SNX29: variants seen among roughly 807,000 people sequenced by gnomAD.
SNX29 encodes sorting nexin 29, also known as sorting nexin-29.
A neutral mutation model predicts 102.1 loss-of-function variants in SNX29; 78 were observed. The observed-to-expected ratio is 0.76, with a 90% confidence interval of 0.64 to 0.92. The LOEUF is 0.92. Among genes scored for constraint, SNX29 ranks in the 40% least tolerant of loss-of-function variants. The pLI, the probability that SNX29 is intolerant of heterozygous loss-of-function variation, is 0.00. For synonymous variants in SNX29, 580 were observed against 414.5 expected (o/e 1.40, Z -4.85); for missense variants, 1,280 against 1,061.7 (o/e 1.21, Z -2.86).
In SNX29 at chr16:12,572,279, C is replaced by T; in HGVS notation, c.*3650C>T. The T allele has an allele frequency of 9.5e-7, 1 of 1,057,076 alleles. No individual in the cohort carries two copies. The highest frequency in any genetic ancestry group is 1.1e-6 in the Non-Finnish European group (1 of 876,392). 65.5% of individuals were successfully genotyped at this position (1,057,076 alleles called of 1,614,324 possible). A position where few individuals can be genotyped will look rare whatever the true frequency, so the allele number is the denominator to read the frequency against. On this transcript the variant is annotated 3_prime_UTR_variant, in exon 21 of 21. Coordinates refer to ENST00000566228, the MANE Select transcript of SNX29 (RefSeq NM_032167.5). Reference sequence around the variant, plus strand: ...CCATGGCTGTAGCTGATGCAACTAACAAGTACTGGGGCCAGTGATCACAAT... The same window carrying T: ...CCATGGCTGTAGCTGATGCAACTAATAAGTACTGGGGCCAGTGATCACAAT...
chr16:12,008,371 G>A (rs995544373), intron 3 of SNX29, among the ~76,000 whole-genome samples: 2 of 152,206 alleles, frequency 1.3e-5, no homozygotes, highest in Non-Finnish European at 2.9e-5. Flanking sequence ...CTGGGTTCAA[G>A]CGATTCTCTT....
chr16:12,552,413 G>C (rs565060829), intron 20 of SNX29, among the ~76,000 whole-genome samples: 1 of 152,302 alleles, frequency 6.6e-6, no homozygotes, highest in African/African-American at 2.4e-5. Context: ...TGGTGAGGAC[G>C]TGGTCAGTTC....
At chr16:12,176,228 T>C (rs1347259229) in intron 13 of SNX29, among the ~76,000 whole-genome samples, 1 of 152,238 alleles carries the variant, frequency 6.6e-6, no homozygotes. Context: ...GTCTCTGGTA[T>C]TTTGTTATGG....
chr16:12,052,200 G>A lies in SNX29; in HGVS notation c.1102G>A (p.Gly368Ser), dbSNP rs756848150. Residue 368 changes from glycine (G) to serine (S), a missense_variant, in exon 8 of 21, where the codon GGC becomes AGC. Transcript: ENST00000566228. ...YGNSSGRKHR[G>S]HSESPEKPLE... ...AAACTCATCAGGAAGGAAGCACAGG[G>A]GCCACTCGGAGTCGCCCGAGAAGTA... is the stretch of plus-strand genomic sequence containing the variant. 1 of 1,613,920 alleles carries A rather than the reference G, an allele frequency of 6.2e-7. No individual in the cohort carries two copies. The highest frequency in any genetic ancestry group is 1.1e-5 in the South Asian group (1 of 91,052).
chr16:12,128,452 C>CTTTTTTT (rs35504724), intron 12 of SNX29, among the ~76,000 whole-genome samples: 3 of 128,308 alleles, frequency 2.3e-5, no homozygotes, highest in East Asian at 4.7e-4. Context: ...TGATTATATT[C>CTTTTTTT]TTTTTTTTTT....
intron 15 of SNX29, among the ~76,000 whole-genome samples, chr16:12,355,814 T>G (rs2082113675): frequency 7.7e-6 from 1 of 129,616 alleles, no homozygotes. Flanking sequence ...CCTTGTTAGA[T>G]GTCTGACCTT....
chr16:12,057,762 T>A (rs1042934005), intron 8 of SNX29, among the ~76,000 whole-genome samples: 3 of 151,810 alleles, frequency 2.0e-5, no homozygotes, highest in Non-Finnish European at 4.4e-5. Context: ...TCTAGTGTTA[T>A]GAAGCTGAGC....
chr16:12,270,741 T>C (rs1420522721), intron 14 of SNX29, among the ~76,000 whole-genome samples: 1 of 152,164 alleles, frequency 6.6e-6, no homozygotes, highest in Non-Finnish European at 1.5e-5. Context: ...TAACTCAGTC[T>C]AATTTAAAGT....
chr16:12,189,530 A>T (rs2076591768), intron 13 of SNX29, among the ~76,000 whole-genome samples: 2 of 152,142 alleles, frequency 1.3e-5, no homozygotes, highest in African/African-American at 4.8e-5. Context: ...GCATCCTGGC[A>T]GGTGGTGCAT....
rs369057566 is a variant in SNX29 at position 12,069,103 on chromosome 16, C to G, written c.1290C>G (p.His430Gln). Reference protein sequence around the residue: ...SLENGTGPEDHVLPDPGLRYS... With the variant: ...SLENGTGPEDQVLPDPGLRYS... ...AGAACGGGACAGGACCAGAGGACCA[C>G]GTTCTCCCAGATCCTGGACTTCGGT... Residue 430 changes from histidine (H) to glutamine (Q), a missense_variant, in exon 10 of 21, where the codon CAC (histidine) becomes CAG (glutamine). By Grantham distance (24) the His-to-Gln change is conservative. Coordinates refer to ENST00000566228, the MANE Select transcript of SNX29 (RefSeq NM_032167.5). 1 of 1,613,726 alleles carries G rather than the reference C, an allele frequency of 6.2e-7. No individual in the cohort carries two copies. Among genetic ancestry groups the G allele is most frequent in the Non-Finnish European group, 8.5e-7 (1 of 1,179,724 alleles).
chr16:12,545,753 G>C (rs1229382801), intron 20 of SNX29, among the ~76,000 whole-genome samples: 1 of 152,128 alleles, frequency 6.6e-6, no homozygotes, highest in Non-Finnish European at 1.5e-5. Context: ...TTTAACCTGA[G>C]ATGGAGAGGC....
intron 15 of SNX29, among the ~76,000 whole-genome samples, chr16:12,343,110 T>A (rs1187643071): frequency 1.3e-5 from 2 of 152,130 alleles, no homozygotes; most frequent in Non-Finnish European, 2.9e-5. Context: ...ATTCAGGAGG[T>A]CTCTGTGTGC....
chr16:12,362,227 G>T (rs1409171713), intron 16 of SNX29, among the ~76,000 whole-genome samples: 2 of 152,216 alleles, frequency 1.3e-5, no homozygotes, highest in Non-Finnish European at 2.9e-5. Context: ...TGTTTTTACA[G>T]TAATGTTGGG....
intron 14 of SNX29, among the ~76,000 whole-genome samples, chr16:12,266,284 C>T (rs976183631): frequency 2.0e-5 from 3 of 152,100 alleles, no homozygotes; most frequent in Non-Finnish European, 4.4e-5. Context: ...TGCCGCCACA[C>T]GTATGGGGGT....
chr16:12,153,517 A>C (rs2055393110), intron 13 of SNX29, among the ~76,000 whole-genome samples: 1 of 150,856 alleles, frequency 6.6e-6, no homozygotes, highest in Middle Eastern at 3.5e-3. Flanking sequence ...TCTGTTGCCC[A>C]GGCTGGAGTG....
At position 12,572,935 on chromosome 16, in the gene SNX29, AG is replaced by A. The variant is rs989087763; in HGVS notation, c.*4308del. The A allele has an allele frequency of 1.1e-5, 9 of 838,504 alleles. No homozygotes were observed. In the African/African-American group the frequency reaches 1.2e-4, roughly 12 times the overall value. The allele number at this position is 838,504 out of a possible 1,614,324, so 51.9% of individuals were successfully genotyped here. A position where few individuals can be genotyped will look rare whatever the true frequency, so the allele number is the denominator to read the frequency against. On this transcript the variant is annotated 3_prime_UTR_variant, in exon 21 of 21. Transcript: ENST00000566228. ...CAGACTTGGAGTGTTTCTTCAAGGC[AG>A]GCATCTGCTTATGAGCAAGGTCAAA...
chr16:12,568,076 G>A (rs940957357), intron 20 of SNX29, among the ~76,000 whole-genome samples: 3 of 152,126 alleles, frequency 2.0e-5, no homozygotes, highest in Admixed American at 6.5e-5. Flanking sequence ...AATTCCACAG[G>A]AAGTCCGTCT....
intron 4 of SNX29, among the ~76,000 whole-genome samples, chr16:12,037,426 A>G (rs2057506881): frequency 6.6e-6 from 1 of 152,062 alleles, no homozygotes; most frequent in Admixed American, 6.6e-5. Context: ...TTAGTGAGAC[A>G]CTCACTTTGG....
At chr16:12,526,993 C>G (rs956200252) in intron 20 of SNX29, 5 of 400,462 alleles carry the variant, frequency 1.2e-5, no homozygotes, top group African/African-American at 4.0e-5. Flanking sequence ...ATGGACTTTT[C>G]AAAACGAGAA....
Sources: allele counts gnomAD v4.1 joint callset (sites outside exome capture counted in the v4.1 genomes callset), GRCh38; gene constraint gnomAD v4.1.1; transcripts MANE v1.5; gene names NCBI Gene and HGNC (gene_info 2026-07-23, HGNC 2026-07-21).